The following HIKESHI variants were observed in gnomAD, a reference collection of about 807,000 sequenced individuals.
HIKESHI encodes protein Hikeshi.
Under a neutral mutation model 25.7 loss-of-function variants are expected in HIKESHI, and 13 were observed. The ratio of observed to expected loss-of-function variants is 0.51; its 90% CI spans 0.33 to 0.80. The LOEUF is 0.80. Ranked by LOEUF, HIKESHI falls within the 30% of genes least tolerant of loss-of-function variation. The pLI, the probability that HIKESHI is intolerant of heterozygous loss-of-function variation, is 0.02. For missense variants in HIKESHI, 174 were observed against 229.5 expected (o/e 0.76, Z 1.56); for synonymous variants, 76 against 78.7 (o/e 0.97, Z 0.18).
chr11:86,307,181 T>C (rs12798843), intron 2 of HIKESHI, among the ~76,000 whole-genome samples: 24 of 76,140 alleles, frequency 3.2e-4, no homozygotes, highest in East Asian at 5.7e-4. Context: ...ATATATCAAA[T>C]ATATATTATG....
chr11:86,310,035 T>A (rs1265863807), intron 2 of HIKESHI, among the ~76,000 whole-genome samples: 1 of 149,036 alleles, frequency 6.7e-6, no homozygotes, highest in Non-Finnish European at 1.5e-5. Context: ...CTTAGGATTG[T>A]CTTGGCAATG....
Position 86,302,397 on chromosome 11 carries a change from C to T in HIKESHI, c.-52C>T. On this transcript the variant is annotated 5_prime_UTR_variant, in exon 1 of 5. Transcript: ENST00000278483. ...CTCGACTAGGGCAGTAGCCCCAGGA[C>T]TCCTAGTCGCCGGCTTCAGGTCACT... The T allele has an allele frequency of 5.8e-6, 9 of 1,550,524 alleles. No homozygotes were observed. In the Admixed American group the frequency reaches 1.6e-4, roughly 27 times the overall value.
rs764156215 is a variant in HIKESHI, at chr11:86,345,570, GTTTTC to G, written c.540-7_540-3del. 2.0e-6 allele frequency: 3 copies of G among 1,489,426 alleles called. No individual in the cohort carries two copies. Among genetic ancestry groups the G allele is most frequent in the Non-Finnish European group, 1.8e-6 (2 of 1,084,304 alleles). 92.3% of individuals were successfully genotyped at this position (1,489,426 alleles called of 1,614,324 possible). A position where few individuals can be genotyped will look rare whatever the true frequency, so the allele number is the denominator to read the frequency against. On this transcript the variant is annotated splice_polypyrimidine_tract_variant and intron_variant, in intron 4 of 4. Transcript: ENST00000278483. ...TTTTCTTGTGAATGTAAATATATGT[GTTTTC>G]TTTTCTAGGTATGAAAACTTTCAAA...
chr11:86,316,253 G>A (rs980566416), intron 2 of HIKESHI, among the ~76,000 whole-genome samples: 2 of 152,124 alleles, frequency 1.3e-5, no homozygotes, highest in Non-Finnish European at 2.9e-5. Flanking sequence ...GCTCATGCCT[G>A]TAATCCCAAC....
chr11:86,334,037 A>G (rs1474038038), intron 2 of HIKESHI, among the ~76,000 whole-genome samples: 2 of 152,214 alleles, frequency 1.3e-5, no homozygotes, highest in Non-Finnish European at 2.9e-5. Context: ...TGTGTTCCAT[A>G]AGACGCATGT....
At chr11:86,311,956 T>C (rs952398923) in intron 2 of HIKESHI, among the ~76,000 whole-genome samples, 3 of 152,184 alleles carry the variant, frequency 2.0e-5, no homozygotes, top group African/African-American at 7.2e-5. Flanking sequence ...CTTTTACATT[T>C]GCTGAGGAGT....
chr11:86,332,716 G>A (rs181187962), intron 2 of HIKESHI, among the ~76,000 whole-genome samples: 59 of 152,308 alleles, frequency 3.9e-4, no homozygotes, highest in Non-Finnish European at 7.5e-4. Context: ...TTTTGTGAAG[G>A]ATCAGTTAGA....
At chr11:86,321,118 A>G (rs1947136498) in intron 2 of HIKESHI, among the ~76,000 whole-genome samples, 1 of 152,082 alleles carries the variant, frequency 6.6e-6, no homozygotes, top group South Asian at 2.1e-4. Context: ...TATTTTTAGT[A>G]GAGACGAGGT....
chr11:86,313,068 G>A (rs1424288266), intron 2 of HIKESHI, among the ~76,000 whole-genome samples: 1 of 152,074 alleles, frequency 6.6e-6, no homozygotes, highest in Non-Finnish European at 1.5e-5. Flanking sequence ...GTATCTTTGT[G>A]TTGTTTGCAG....
intron 2 of HIKESHI, among the ~76,000 whole-genome samples, chr11:86,330,591 C>T (rs1593854956): frequency 6.6e-6 from 1 of 152,300 alleles, no homozygotes; most frequent in South Asian, 2.1e-4. Context: ...TCCAGAGAAG[C>T]ATTTCATGAT....
At chr11:86,303,400 A>G in intron 1 of HIKESHI, 1 of 983,894 alleles carries the variant, frequency 1.0e-6, no homozygotes. Context: ...CTAGCCTCAT[A>G]AAGTTTGTCT....
At chr11:86,304,762 C>T (rs1217991997) in intron 1 of HIKESHI, among the ~76,000 whole-genome samples, 1 of 152,114 alleles carries the variant, frequency 6.6e-6, no homozygotes, top group Admixed American at 6.5e-5. Flanking sequence ...GTGATCAACC[C>T]GCCTTGGCCT....
At chr11:86,345,165 A>G (rs1160227741) in intron 4 of HIKESHI, 1 of 1,037,584 alleles carries the variant, frequency 9.6e-7, no homozygotes, top group Non-Finnish European at 1.2e-6. Context: ...AAGTGGTACC[A>G]TGGTGTAGCA....
chr11:86,327,368 G>A (rs575284426), intron 2 of HIKESHI, among the ~76,000 whole-genome samples: 6 of 151,404 alleles, frequency 4.0e-5, no homozygotes, highest in African/African-American at 1.2e-4. Flanking sequence ...AGGCTAGAGC[G>A]TAGTGGCGCA....
At chr11:86,331,227 C>T (rs534979709) in intron 2 of HIKESHI, among the ~76,000 whole-genome samples, 2 of 152,252 alleles carry the variant, frequency 1.3e-5, no homozygotes, top group Middle Eastern at 3.4e-3. Flanking sequence ...CAGTGGCTCA[C>T]GCTTGTAATC....
At chr11:86,325,330 A>G (rs1240178567) in intron 2 of HIKESHI, among the ~76,000 whole-genome samples, 1 of 152,148 alleles carries the variant, frequency 6.6e-6, no homozygotes, top group African/African-American at 2.4e-5. Flanking sequence ...ATGTACTTGT[A>G]GGGTGTCTTA....
intron 2 of HIKESHI, among the ~76,000 whole-genome samples, chr11:86,321,395 G>A (rs577727850): frequency 2.6e-5 from 4 of 152,302 alleles, no homozygotes; most frequent in African/African-American, 9.6e-5. Flanking sequence ...ACAGTTGTCC[G>A]CAAATCTTTG....
At chr11:86,311,193 A>C (rs539264644) in intron 2 of HIKESHI, among the ~76,000 whole-genome samples, 1 of 152,168 alleles carries the variant, frequency 6.6e-6, no homozygotes, top group East Asian at 1.9e-4. Context: ...GTGGTCCTGG[A>C]CTTTTTTTGC....
chr11:86,307,797 CATTATATAA>C (rs1593805130), intron 2 of HIKESHI, among the ~76,000 whole-genome samples: 3 of 113,728 alleles, frequency 2.6e-5, no homozygotes, highest in South Asian at 2.6e-4. Flanking sequence ...GTGTAATATA[CATTATATAA>C]AATATATATT....
Sources: gnomAD v4.1 joint callset for allele counts (sites outside exome capture counted in the v4.1 genomes callset) on GRCh38, gnomAD v4.1.1 for gene constraint, MANE v1.5 for transcripts, NCBI Gene and HGNC (gene_info 2026-07-23, HGNC 2026-07-21) for gene names.